The following MLLT10 variants were observed in gnomAD, a reference collection of about 807,000 sequenced individuals.
The protein encoded by MLLT10 is protein AF-10.
Under a neutral mutation model 129.1 loss-of-function variants are expected in MLLT10, and 30 were observed. The observed-to-expected ratio is 0.23, with a 90% CI of 0.17 to 0.32. The LOEUF is 0.32. MLLT10 is among the 10% of genes least tolerant of loss of function. MLLT10 has a pLI of 1.00. For synonymous variants in MLLT10, 490 were observed against 446.4 expected (o/e 1.10, Z -1.23); for missense variants, 1,119 against 1,268.3 (o/e 0.88, Z 1.79).
At chr10:21,636,656 C>A (rs1484240224) in intron 8 of MLLT10, among the ~76,000 whole-genome samples, 1 of 151,688 alleles carries the variant, frequency 6.6e-6, no homozygotes, top group African/African-American at 2.4e-5. Context: ...CTCACTGCAA[C>A]CTCTGCCTCC....
chr10:21,610,699 G>T (rs922655977), intron 5 of MLLT10, among the ~76,000 whole-genome samples: 2 of 151,066 alleles, frequency 1.3e-5, no homozygotes, highest in African/African-American at 2.4e-5. Flanking sequence ...TTCACTGTCA[G>T]CTCTTTGGAA....
chr10:21,719,490 G>A (rs1480183727), intron 14 of MLLT10, among the ~76,000 whole-genome samples: 1 of 152,150 alleles, frequency 6.6e-6, no homozygotes, highest in Non-Finnish European at 1.5e-5. Context: ...ATTACTAATT[G>A]TTACTGTTAA....
intron 21 of MLLT10, among the ~76,000 whole-genome samples, chr10:21,738,730 T>C (rs2058588889): frequency 6.6e-6 from 1 of 152,176 alleles, no homozygotes. Flanking sequence ...TCCTCCTCCT[T>C]GAAACATTTC....
At chr10:21,631,799 C>A (rs11012758) in intron 8 of MLLT10, among the ~76,000 whole-genome samples, 3 of 152,034 alleles carry the variant, frequency 2.0e-5, no homozygotes, top group Admixed American at 1.3e-4. Flanking sequence ...GGTTCCCCCC[C>A]CAACACTTGC....
intron 4 of MLLT10, among the ~76,000 whole-genome samples, chr10:21,594,394 A>G (rs1395472076): frequency 6.6e-6 from 1 of 151,828 alleles, no homozygotes; most frequent in Non-Finnish European, 1.5e-5. Flanking sequence ...TACTAAAAAT[A>G]CAAAATTAGC....
Position 21,681,311 on chromosome 10 carries a change from CT to C in MLLT10, c.1622-16del. 2 of 1,611,484 alleles carry C rather than the reference CT, an allele frequency of 1.2e-6. No individual in the cohort carries two copies. Among genetic ancestry groups the C allele is most frequent in the Admixed American group, 1.7e-5 (1 of 59,362 alleles). On this transcript the variant is annotated intron_variant, in intron 11 of 22. Coordinates refer to ENST00000307729, the MANE Select transcript of MLLT10 (RefSeq NM_001195626.3). ...CACTGGCAATTTCTTCACTGATTTC[CT>C]TTTTCCTTCCTCTCAACAGAAATTT...
intron 8 of MLLT10, chr10:21,626,176 T>C (rs1314965448): frequency 6.2e-7 from 1 of 1,607,752 alleles, no homozygotes. Flanking sequence ...TCTGAACATG[T>C]GATAAGTCAC....
intron 3 of MLLT10, among the ~76,000 whole-genome samples, chr10:21,562,908 C>T (rs2039046466): frequency 6.7e-6 from 1 of 149,908 alleles, no homozygotes; most frequent in African/African-American, 2.5e-5. Flanking sequence ...CAGCCTCCGC[C>T]TCCTGGGTTC....
At chr10:21,617,868 T>C (rs533668966) in intron 8 of MLLT10, among the ~76,000 whole-genome samples, 13 of 152,292 alleles carry the variant, frequency 8.5e-5, no homozygotes, top group East Asian at 3.9e-4. Context: ...TAAGAACATA[T>C]TGCCATTAGC....
chr10:21,590,731 G>T (rs559744756), intron 4 of MLLT10, among the ~76,000 whole-genome samples: 1 of 152,184 alleles, frequency 6.6e-6, no homozygotes, highest in Admixed American at 6.5e-5. Context: ...TTGTGTTCTG[G>T]TTTTTTCTTT....
chr10:21,629,836 G>A (rs1210977866), intron 8 of MLLT10, among the ~76,000 whole-genome samples: 1 of 152,168 alleles, frequency 6.6e-6, no homozygotes, highest in African/African-American at 2.4e-5. Flanking sequence ...CTGGGCTTGC[G>A]TGTATAGTCC....
intron 17 of MLLT10, 122 bp from the exon 18 acceptor site, chr10:21,732,777 A>G (rs1245584503): frequency 3.9e-6 from 3 of 767,986 alleles, no homozygotes; most frequent in Non-Finnish European, 5.7e-6. Flanking sequence ...ATCATTTAGA[A>G]ACACTTTACA....
At chr10:21,739,200 C>T (rs1451936376) in intron 21 of MLLT10, among the ~76,000 whole-genome samples, 1 of 152,174 alleles carries the variant, frequency 6.6e-6, no homozygotes, top group Non-Finnish European at 1.5e-5. Context: ...CATGCCTTGC[C>T]ACTGCAAGCT....
intron 3 of MLLT10, among the ~76,000 whole-genome samples, chr10:21,549,439 A>G (rs1378822797): frequency 2.0e-5 from 3 of 152,020 alleles, no homozygotes; most frequent in Non-Finnish European, 4.4e-5. Context: ...AGCAAAAGGC[A>G]TTTTGAAGCT....
In MLLT10 at chr10:21,734,103, T is replaced by C. The variant is rs2058160598; in HGVS notation, c.2832T>C (p.His944=). ...CAACCGTACCACCTAATGCAACACA[T>C]CCAATGCCAGCTACACTGACTAACA... ...THTTVPPNAT[H]PMPATLTNSA... is the part of the protein sequence containing the mutation. Residue 944 remains histidine, a synonymous_variant, in exon 20 of 23, where the codon CAT becomes CAC. Coordinates refer to ENST00000307729, the MANE Select transcript of MLLT10 (RefSeq NM_001195626.3). 1 of 1,611,620 alleles carries C rather than the reference T, an allele frequency of 6.2e-7. No homozygotes were observed. Among genetic ancestry groups the C allele is most frequent in the African/African-American group, 1.3e-5 (1 of 74,978 alleles).
intron 14 of MLLT10, among the ~76,000 whole-genome samples, chr10:21,717,632 CTCCTCCTTT>C (rs1157292652): frequency 3.7e-5 from 5 of 134,048 alleles, no homozygotes; most frequent in Admixed American, 7.5e-5. Flanking sequence ...CCTCCTCCTC[CTCCTCCTTT>C]TCCTCCTCCT....
chr10:21,585,687 T>C (rs1469061078), intron 3 of MLLT10, among the ~76,000 whole-genome samples: 2 of 152,190 alleles, frequency 1.3e-5, no homozygotes, highest in African/African-American at 2.4e-5. Context: ...TTGTTTTTTC[T>C]CCCGCTCCCC....
chr10:21,726,580 A>G (rs547044352), intron 15 of MLLT10, among the ~76,000 whole-genome samples: 4 of 152,162 alleles, frequency 2.6e-5, no homozygotes, highest in South Asian at 2.1e-4. Flanking sequence ...CATAACATCA[A>G]TTTGTACTCC....
At chr10:21,715,977 G>C (rs1227871318) in intron 14 of MLLT10, among the ~76,000 whole-genome samples, 2 of 152,194 alleles carry the variant, frequency 1.3e-5, no homozygotes, top group Non-Finnish European at 2.9e-5. Flanking sequence ...AGCTTATTTA[G>C]CCTGGCTTAT....
Sources: gnomAD v4.1 joint callset for allele counts (sites outside exome capture counted in the v4.1 genomes callset) on GRCh38, gnomAD v4.1.1 for gene constraint, MANE v1.5 for transcripts, NCBI Gene and HGNC (gene_info 2026-07-23, HGNC 2026-07-21) for gene names.